GPHN: variants seen among roughly 807,000 people sequenced by gnomAD.
The protein encoded by GPHN is gephyrin.
A neutral mutation model predicts 95.5 loss-of-function variants in GPHN; 17 were observed. The observed-to-expected ratio is 0.18, with a 90% CI of 0.12 to 0.27. GPHN has a LOEUF of 0.27. Ranked by LOEUF, GPHN falls within the 10% of genes least tolerant of loss-of-function variation. The pLI is 1.00. For missense variants in GPHN, 660 were observed against 978.1 expected (o/e 0.67, Z 4.34); for synonymous variants, 320 against 322.5 (o/e 0.99, Z 0.08).
chr14:67,408,295 T>TAAATAAAATA, the GPHN span, among the ~76,000 whole-genome samples: 8,084 of 116,568 alleles, frequency 0.069, 504 homozygotes, highest in African/African-American at 0.16. Flanking sequence ...TCAAAATAAA[T>TAAATAAAATA]AAATAAAATA....
chr14:67,518,885 A>C, the GPHN span, among the ~76,000 whole-genome samples: 1 of 152,200 alleles, frequency 6.6e-6, no homozygotes, highest in Admixed American at 6.6e-5. Flanking sequence ...AGGGAGACGG[A>C]GCATGGAAAT....
chr14:67,201,186 C>T, the GPHN span, among the ~76,000 whole-genome samples: 3 of 152,082 alleles, frequency 2.0e-5, no homozygotes, highest in South Asian at 4.1e-4. Context: ...CCTAGCTACT[C>T]GGAAGGCTGA....
the GPHN span, chr14:67,323,631 T>TCC: frequency 2.6e-6 from 1 of 384,932 alleles, no homozygotes; most frequent in Non-Finnish European, 4.5e-6. Context: ...TATATATATA[T>TCC]ATATATCAGT....
intron 1 of GPHN, among the ~76,000 whole-genome samples, chr14:66,535,948 C>T (rs2059127279): frequency 6.6e-6 from 1 of 151,826 alleles, no homozygotes; most frequent in Admixed American, 6.6e-5. Context: ...TTTGTTTTCC[C>T]TTATTGCAAT....
intron 8 of GPHN, among the ~76,000 whole-genome samples, chr14:66,930,343 C>T (rs2066720540): frequency 6.6e-6 from 1 of 151,852 alleles, no homozygotes; most frequent in Admixed American, 6.6e-5. Flanking sequence ...TTACCATGAG[C>T]CTTGCAAATA....
intron 2 of GPHN, among the ~76,000 whole-genome samples, chr14:66,706,066 G>A (rs989675883): frequency 6.6e-6 from 1 of 151,848 alleles, no homozygotes; most frequent in Non-Finnish European, 1.5e-5. Flanking sequence ...ATTCATAATC[G>A]CTACAAAGAA....
the GPHN span, among the ~76,000 whole-genome samples, chr14:67,356,619 T>A: frequency 6.6e-6 from 1 of 152,206 alleles, no homozygotes; most frequent in African/African-American, 2.4e-5. Flanking sequence ...AGTTACTCAG[T>A]GAAGAAAAGG....
chr14:67,340,705 G>C, the GPHN span, among the ~76,000 whole-genome samples: 3 of 151,896 alleles, frequency 2.0e-5, no homozygotes, highest in African/African-American at 7.3e-5. Flanking sequence ...CTCTCCCCAC[G>C]GTCTCCCTCT....
At chr14:67,690,098 G>A in the GPHN span, 1 of 831,128 alleles carries the variant, frequency 1.2e-6, no homozygotes, top group Non-Finnish European at 1.9e-6. Context: ...CCCAATTATA[G>A]CCACGGAAGC....
At chr14:67,562,743 G>T in the GPHN span, 1 of 1,613,744 alleles carries the variant, frequency 6.2e-7, no homozygotes, top group South Asian at 1.1e-5. Context: ...GCTAGGTCCC[G>T]GGAGGAACCA....
the GPHN span, chr14:67,385,261 TGAA>T: frequency 5.9e-5 from 9 of 152,158 alleles, no homozygotes; most frequent in Non-Finnish European, 1.2e-4. Flanking sequence ...CTGAATAACT[TGAA>T]GAACAGGCTT....
At chr14:67,224,484 T>G in the GPHN span, among the ~76,000 whole-genome samples, 8 of 151,922 alleles carry the variant, frequency 5.3e-5, no homozygotes, top group Admixed American at 3.9e-4. Flanking sequence ...ATGGTCTCAA[T>G]CTCCTGACCT....
the GPHN span, among the ~76,000 whole-genome samples, chr14:67,596,710 T>A: frequency 1.3e-5 from 2 of 152,190 alleles, no homozygotes; most frequent in East Asian, 3.8e-4. Context: ...ACCCTTGGTA[T>A]TTGATCAGCC....
intron 2 of GPHN, among the ~76,000 whole-genome samples, chr14:66,736,651 C>T (rs750767815): frequency 7.2e-5 from 11 of 152,082 alleles, no homozygotes; most frequent in Admixed American, 1.3e-4. Flanking sequence ...GTTATCCACC[C>T]GCCTCGGCCT....
chr14:67,305,994 T>C, the GPHN span, among the ~76,000 whole-genome samples: 1 of 151,814 alleles, frequency 6.6e-6, no homozygotes, highest in African/African-American at 2.4e-5. Flanking sequence ...TTCTTTTTAC[T>C]TGGAGTCTCA....
intron 10 of GPHN, among the ~76,000 whole-genome samples, chr14:67,048,827 C>T (rs1224579644): frequency 6.6e-6 from 1 of 152,186 alleles, no homozygotes; most frequent in East Asian, 1.9e-4. Flanking sequence ...TTTTGTAATA[C>T]ATATGAGTTT....
At chr14:67,648,053 A>G in the GPHN span, 21 of 1,611,056 alleles carry the variant, frequency 1.3e-5, no homozygotes, top group Non-Finnish European at 1.7e-5. Flanking sequence ...TTAGGAGACA[A>G]AGACCAATCC....
chr14:67,555,895 G>A, the GPHN span: 1 of 1,613,236 alleles, frequency 6.2e-7, no homozygotes. Flanking sequence ...CAGGTAACCA[G>A]GGGAGGGGAT....
At chr14:67,661,074 C>T in the GPHN span, among the ~76,000 whole-genome samples, 1 of 151,990 alleles carries the variant, frequency 6.6e-6, no homozygotes, top group East Asian at 1.9e-4. Flanking sequence ...GAAATTGAAA[C>T]ACTGATCTTC....
Sources: allele counts gnomAD v4.1 joint callset (sites outside exome capture counted in the v4.1 genomes callset), GRCh38; gene constraint gnomAD v4.1.1; transcripts MANE v1.5; gene names NCBI Gene and HGNC (gene_info 2026-07-23, HGNC 2026-07-21).